PDXDC1: variants seen among roughly 807,000 people sequenced by gnomAD.
PDXDC1 encodes the protein pyridoxal-dependent decarboxylase domain-containing protein 1.
PDXDC1 carries 42 observed loss-of-function variants against 100.1 expected under a neutral mutation model. The ratio of observed to expected loss-of-function variants is 0.42; its 90% CI spans 0.33 to 0.54. PDXDC1 has a LOEUF of 0.54. PDXDC1 is among the 20% of genes least tolerant of loss of function. The pLI, the probability that PDXDC1 is intolerant of heterozygous loss-of-function variation, is 0.10. For synonymous variants in PDXDC1, 260 were observed against 371.7 expected (o/e 0.70, Z 3.46); for missense variants, 636 against 979.2 (o/e 0.65, Z 4.68).
At chr16:15,133,187 G>A (rs562950945) in intron 16 of PDXDC1, 20 of 1,036,112 alleles carry the variant, frequency 1.9e-5, no homozygotes, top group Non-Finnish European at 2.8e-5. Flanking sequence ...CCTCCGCAAA[G>A]CTCCAGGCAG....
intron 13 of PDXDC1, chr16:15,026,231 C>G (rs181648237): frequency 0.012 from 2,505 of 207,476 alleles, no homozygotes; most frequent in Non-Finnish European, 0.017. Context: ...AGCAAGACCC[C>G]ATCTCTAAAA....
At chr16:15,089,601 C>G (rs77884267) in intron 16 of PDXDC1, among the ~76,000 whole-genome samples, 1 of 150,380 alleles carries the variant, frequency 6.6e-6, no homozygotes, top group South Asian at 2.1e-4. Flanking sequence ...AAGATCGAGA[C>G]CATCCTGGCT....
intron 16 of PDXDC1, chr16:15,131,534 C>T (rs553133662): frequency 2.4e-5 from 38 of 1,609,294 alleles, no homozygotes; most frequent in Admixed American, 8.3e-5. Flanking sequence ...ACGATCTCCT[C>T]GCCCGCCAGT....
Position 15,132,804 on chromosome 16 carries a change from T to G in PDXDC1, c.1400-6075T>G. On this transcript the variant is annotated intron_variant, in intron 16 of 16. Transcript: ENST00000535621. ...AGGGACACCAGAGTCTCCGTGATGT[T>G]CTTGCGTATCTGGGCTCGGCGCTGC... 3 of 1,309,356 alleles carry G rather than the reference T, an allele frequency of 2.3e-6. No individual in the cohort carries two copies. In the Admixed American group the frequency reaches 5.0e-5, roughly 22 times the overall value. 81.1% of individuals were successfully genotyped at this position (1,309,356 alleles called of 1,614,324 possible). A position where few individuals can be genotyped will look rare whatever the true frequency, so the allele number is the denominator to read the frequency against.
chr16:15,064,598 A>G (rs1405322764), intron 16 of PDXDC1, among the ~76,000 whole-genome samples: 1 of 152,226 alleles, frequency 6.6e-6, no homozygotes. Flanking sequence ...TCCTGGCACC[A>G]TTATCCCCAT....
At chr16:15,046,866 C>A (rs1168874896) in intron 16 of PDXDC1, among the ~76,000 whole-genome samples, 1 of 152,100 alleles carries the variant, frequency 6.6e-6, no homozygotes, top group East Asian at 1.9e-4. Flanking sequence ...CACAGCAAGA[C>A]CCTATCTCAA....
chr16:15,037,838 A>ATAAG lies in PDXDC1; in HGVS notation c.*1565_*1568dup, dbSNP rs1567747816. 23 of 493,262 alleles carry ATAAG rather than the reference A, an allele frequency of 4.7e-5. No individual in the cohort carries two copies. The highest frequency in any genetic ancestry group is 2.5e-4 in the East Asian group (8 of 31,728). 30.6% of individuals were successfully genotyped at this position (493,262 alleles called of 1,614,324 possible). ...CATCAATTTTTTAGTAAACCAAAAAATAAGTCTCAACAAATGCCTTTGCCA... is the reference window on the plus strand; with the variant it reads ...CATCAATTTTTTAGTAAACCAAAAAATAAGTAAGTCTCAACAAATGCCTTTGCCA... On this transcript the variant is annotated 3_prime_UTR_variant, in exon 23 of 23. Coordinates refer to ENST00000396410, the MANE Select transcript of PDXDC1 (RefSeq NM_015027.4).
At chr16:15,008,363 G>C (rs2040962414) in intron 6 of PDXDC1, among the ~76,000 whole-genome samples, 1 of 152,278 alleles carries the variant, frequency 6.6e-6, no homozygotes, top group African/African-American at 2.4e-5. Context: ...TTTTAGGGGT[G>C]GGTGAACCCA....
intron 14 of PDXDC1, among the ~76,000 whole-genome samples, chr16:15,027,454 CCCTT>C (rs1341729952): frequency 2.6e-5 from 4 of 152,262 alleles, no homozygotes; most frequent in Non-Finnish European, 5.9e-5. Flanking sequence ...CACTTAGACC[CCCTT>C]CCTTATCACA....
rs2044103234 is a variant in PDXDC1 at position 15,047,100 on chromosome 16, C to G, written c.1399+17044C>G. 9.8e-6 allele frequency: 3 copies of G among 304,668 alleles called. No homozygotes were observed. The South Asian group carries it at 1.3e-4, about 13-fold the overall frequency. The allele number at this position is 304,668 out of a possible 1,614,324, so 18.9% of individuals were successfully genotyped here. On this transcript the variant is annotated intron_variant, in intron 16 of 16. Coordinates refer to the PDXDC1 transcript ENST00000535621. ...GGTGTAGGTGAGAGGAAGCATTTAA[C>G]AAGCAACTGCGGGAGGAATGACTGC...
At chr16:15,028,679 T>C (rs1329390486) in intron 14 of PDXDC1, among the ~76,000 whole-genome samples, 199 bp from the exon 15 acceptor site, 4 of 152,428 alleles carry the variant, frequency 2.6e-5, no homozygotes, top group Admixed American at 6.5e-5. Context: ...TTCTGTCTTA[T>C]GTGAATGTAT....
chr16:15,047,670 G>A, intron 16 of PDXDC1: 1 of 933,024 alleles, frequency 1.1e-6, no homozygotes, highest in Middle Eastern at 2.2e-4. Flanking sequence ...GGGAAAAACG[G>A]ACAGGTCTGT....
chr16:15,111,291 T>C (rs1318500753), intron 16 of PDXDC1, among the ~76,000 whole-genome samples: 2 of 145,806 alleles, frequency 1.4e-5, no homozygotes, highest in African/African-American at 2.5e-5. Context: ...ACGCTGTCTC[T>C]GCTAAAAATA....
chr16:15,071,086 A>G (rs1409150144), intron 16 of PDXDC1: 1 of 1,558,634 alleles, frequency 6.4e-7, no homozygotes, highest in Non-Finnish European at 8.7e-7. Flanking sequence ...TTAAAGCATG[A>G]TATTAAAAAG....
At chr16:15,035,406 GC>G in intron 21 of PDXDC1, 42 bp from the exon 22 acceptor site, 1 of 1,210,962 alleles carries the variant, frequency 8.3e-7, no homozygotes, top group Non-Finnish European at 1.2e-6. Flanking sequence ...TTCAAGGGCA[GC>G]CTGTGCCTGT....
chr16:15,008,120 C>T (rs2040941132), intron 6 of PDXDC1, among the ~76,000 whole-genome samples: 1 of 152,268 alleles, frequency 6.6e-6, no homozygotes, highest in Admixed American at 6.5e-5. Flanking sequence ...AATTTTTAAT[C>T]CTTTAAGGAG....
chr16:15,133,363 C>T, intron 16 of PDXDC1: 2 of 1,068,344 alleles, frequency 1.9e-6, no homozygotes, highest in Non-Finnish European at 2.8e-6. Flanking sequence ...TGAGCCCGTG[C>T]AGCCAGACTG....
chr16:15,037,834 A>AAAAAT lies in PDXDC1; in HGVS notation c.*1562_*1566dup. ...TGGACATCAATTTTTTAGTAAACCAAAAAATAAGTCTCAACAAATGCCTTT... is the reference window on the plus strand; with the variant it reads ...TGGACATCAATTTTTTAGTAAACCAAAAAATAAAATAAGTCTCAACAAATGCCTTT... On this transcript the variant is annotated 3_prime_UTR_variant, in exon 23 of 23. Coordinates refer to ENST00000396410, the MANE Select transcript of PDXDC1 (RefSeq NM_015027.4). The AAAAAT allele has an allele frequency of 4.1e-6, 2 of 487,382 alleles. No individual in the cohort carries two copies. The highest frequency in any genetic ancestry group is 7.2e-6 in the Non-Finnish European group (2 of 278,804). 30.2% of individuals were successfully genotyped at this position (487,382 alleles called of 1,614,324 possible). A position where few individuals can be genotyped will look rare whatever the true frequency, so the allele number is the denominator to read the frequency against.
chr16:15,047,025 G>A (rs967310033), intron 16 of PDXDC1, among the ~76,000 whole-genome samples: 1 of 152,094 alleles, frequency 6.6e-6, no homozygotes, highest in Non-Finnish European at 1.5e-5. Flanking sequence ...CAAACACCTT[G>A]GGCCGGGCTT....
Sources: gnomAD v4.1 joint callset for allele counts (sites outside exome capture counted in the v4.1 genomes callset) on GRCh38, gnomAD v4.1.1 for gene constraint, MANE v1.5 for transcripts, NCBI Gene and HGNC (gene_info 2026-07-23, HGNC 2026-07-21) for gene names.